RPGR: variants seen among roughly 807,000 people sequenced by gnomAD.
The protein encoded by RPGR is X-linked retinitis pigmentosa GTPase regulator.
RPGR carries 10 observed loss-of-function variants against 56.3 expected under a neutral mutation model. That is an observed-to-expected ratio of 0.18 (90% CI 0.11 to 0.30). The LOEUF (loss-of-function observed/expected upper bound fraction) is 0.30, where lower values mean the gene tolerates loss of function less well. RPGR is among the 10% of genes least tolerant of loss of function. The probability of loss-of-function intolerance (pLI) is 1.00; values close to 1 mark genes in which losing one functional copy is unlikely to be tolerated. For missense variants in RPGR, 538 were observed against 590.9 expected (o/e 0.91, Z 0.93); for synonymous variants, 197 against 212.9 (o/e 0.93, Z 0.65).
At chrX:38,286,138 TCTC>T in intron 15 of RPGR, 2 of 398,165 alleles carry the variant, frequency 5.0e-6, no homozygotes, top group Non-Finnish European at 6.7e-6. Context: ...CCCCTCCCAT[TCTC>T]CTTCCTCCTC....
At chrX:38,299,770 G>A (rs1038787164) in intron 9 of RPGR, among the ~76,000 whole-genome samples, 5 of 108,384 alleles carry the variant, frequency 4.6e-5, no homozygotes, top group African/African-American at 1.7e-4. Flanking sequence ...AGTATTTTCC[G>A]TACATAGGTT....
intron 18 of RPGR, chrX:38,269,878 A>T: frequency 2.2e-6 from 2 of 918,421 alleles, no homozygotes; most frequent in Non-Finnish European, 3.1e-6. Context: ...CATAAGTGAA[A>T]CATTCACTTA....
At chrX:38,298,868 T>A (rs1408140836) in intron 10 of RPGR, 88 bp downstream of exon 10, 1 of 1,012,481 alleles carries the variant, frequency 9.9e-7, no homozygotes, top group African/African-American at 1.9e-5. Context: ...AGAAGACCCT[T>A]TGATTTAAAA....
At chrX:38,301,189 C>T in intron 9 of RPGR, 58 bp downstream of exon 9, 1 of 1,004,812 alleles carries the variant, frequency 1.0e-6, no homozygotes, top group Non-Finnish European at 1.4e-6. Flanking sequence ...CTATGAAATA[C>T]TGAAAGACTC....
In RPGR at chrX:38,273,618, C is replaced by G. The variant is rs191705007; in HGVS notation, c.2150-141G>C. 1.2e-4 allele frequency: 51 copies of G among 422,901 alleles called. No homozygotes were observed. The African/African-American group carries it at 1.2e-3, about 10-fold the overall frequency. 34.9% of individuals were successfully genotyped at this position (422,901 alleles called of 1,213,427 possible). ...CCCCTGGAGTAGTGGACAACATCTA[C>G]ACTGCATATTTCCTGAAAAGTTGAG... On this transcript the variant is annotated intron_variant, in intron 17 of 18. Coordinates refer to ENST00000642395, the MANE Select transcript of RPGR (RefSeq NM_000328.3).
Position 38,314,303 on chromosome X carries a change from CATTT to C in RPGR, c.619+3009_619+3012del, listed in dbSNP as rs1328597614. On this transcript the variant is annotated intron_variant, in intron 6 of 18. Coordinates refer to ENST00000642395, the MANE Select transcript of RPGR (RefSeq NM_000328.3). ...TATTTATATATAAAAAATAAAATAA[CATTT>C]ATCACAAAGAATAAATAGGTCATTT... is the stretch of plus-strand genomic sequence containing the variant. Among the ~76,000 whole-genome samples the C allele has an allele frequency of 2.7e-5, 3 of 111,255 alleles. No individual in the cohort carries two copies. The Admixed American group carries it at 2.9e-4, about 11-fold the overall frequency.
chrX:38,313,637 AATTCTG>A (rs1435054146), intron 6 of RPGR, among the ~76,000 whole-genome samples: 1 of 111,933 alleles, frequency 8.9e-6, no homozygotes, highest in East Asian at 2.8e-4. Flanking sequence ...CTGGAGTTCG[AATTCTG>A]ATTCTGCAAC....
chrX:38,305,936 A>T (rs1815701558), intron 7 of RPGR, among the ~76,000 whole-genome samples: 1 of 111,254 alleles, frequency 9.0e-6, no homozygotes, highest in Non-Finnish European at 1.9e-5. Context: ...GGAGGGGAAA[A>T]GCTTTTCTTT....
rs1338288525 is a variant in RPGR, at chrX:38,269,552, T to A, written c.*74A>T. 1.4e-5 allele frequency: 11 copies of A among 778,509 alleles called. No homozygotes were observed. The highest frequency in any genetic ancestry group is 2.1e-5 in the Non-Finnish European group (11 of 522,891). The allele number at this position is 778,509 out of a possible 1,213,427, so 64.2% of individuals were successfully genotyped here. Reference sequence around the variant, plus strand: ...TTTTAAAGACTACTATCAGAAACTTTACTTCATAAGTTATAACATTTTTCA... The same window carrying A: ...TTTTAAAGACTACTATCAGAAACTTAACTTCATAAGTTATAACATTTTTCA... On this transcript the variant is annotated 3_prime_UTR_variant, in exon 19 of 19. Coordinates refer to ENST00000642395, the MANE Select transcript of RPGR (RefSeq NM_000328.3).
At chrX:38,272,984 C>G (rs1165508319) in intron 18 of RPGR, among the ~76,000 whole-genome samples, 1 of 111,814 alleles carries the variant, frequency 8.9e-6, no homozygotes, top group Admixed American at 9.5e-5. Flanking sequence ...ATTTTAAATA[C>G]TGGGTACCAT....
Position 38,318,756 on chromosome X carries a change from G to A in RPGR, c.469+73C>T, listed in dbSNP as rs755759673. ...AAAACTAAACAGCAATGCTCCCTTC[G>A]GTTTACTGAGTTGGCATATATTGAT... is the stretch of plus-strand genomic sequence containing the variant. On this transcript the variant is annotated intron_variant, in intron 5 of 18. Coordinates refer to ENST00000642395, the MANE Select transcript of RPGR (RefSeq NM_000328.3). The A allele has an allele frequency of 2.7e-4, 298 of 1,085,441 alleles. 1 individual carries two copies. The South Asian group carries it at 3.5e-3, about 13-fold the overall frequency. 89.5% of individuals were successfully genotyped at this position (1,085,441 alleles called of 1,213,427 possible). A position where few individuals can be genotyped will look rare whatever the true frequency, so the allele number is the denominator to read the frequency against.
At chrX:38,324,121 T>C (rs760005376) in intron 1 of RPGR, among the ~76,000 whole-genome samples, 74 of 111,857 alleles carry the variant, frequency 6.6e-4, no homozygotes, top group Non-Finnish European at 1.3e-3. Context: ...TCTCACTCTG[T>C]CACCCAGCTT....
chrX:38,325,496 T>C (rs963679664), intron 1 of RPGR, among the ~76,000 whole-genome samples: 12 of 112,194 alleles, frequency 1.1e-4, no homozygotes, highest in African/African-American at 3.9e-4. Flanking sequence ...CACTTTAGCT[T>C]TTCCTGATTT....
intron 13 of RPGR, 149 bp from the exon 14 acceptor site, chrX:38,288,190 T>G (rs1359785326): frequency 3.9e-6 from 2 of 517,199 alleles, no homozygotes; most frequent in Non-Finnish European, 6.3e-6. Flanking sequence ...TTGCTAAAGT[T>G]TTGTTTTCTT....
At chrX:38,296,443 C>T (rs902248248) in intron 11 of RPGR, among the ~76,000 whole-genome samples, 10 of 112,007 alleles carry the variant, frequency 8.9e-5, no homozygotes, top group Non-Finnish European at 1.5e-4. Flanking sequence ...CCTGCAGTAA[C>T]ATACAGACAC....
intron 18 of RPGR, chrX:38,269,932 T>G (rs2066806697): frequency 1.7e-6 from 1 of 601,377 alleles, no homozygotes; most frequent in Admixed American, 2.7e-5. Flanking sequence ...AGAACATGAT[T>G]TTGTCATCTC....
chrX:38,284,604 C>T (rs1201989373), intron 15 of RPGR: 1 of 740,848 alleles, frequency 1.3e-6, no homozygotes, highest in Non-Finnish European at 1.6e-6. Flanking sequence ...TTAAAGCTGT[C>T]ATAACTTTTC....
intron 11 of RPGR, among the ~76,000 whole-genome samples, chrX:38,291,779 T>C (rs2067283792): frequency 8.9e-6 from 1 of 112,051 alleles, no homozygotes; most frequent in Admixed American, 9.5e-5. Context: ...AGCACTGTAA[T>C]AGCTAGTCCT....
At chrX:38,276,578 T>G (rs759453276) in intron 16 of RPGR, 1 of 1,208,488 alleles carries the variant, frequency 8.3e-7, no homozygotes, top group Non-Finnish European at 1.1e-6. Context: ...TAAGCATCTA[T>G]CATCATACCT....
Sources: gnomAD v4.1 joint callset for allele counts (sites outside exome capture counted in the v4.1 genomes callset) on GRCh38, gnomAD v4.1.1 for gene constraint, MANE v1.5 for transcripts, NCBI Gene and HGNC (gene_info 2026-07-23, HGNC 2026-07-21) for gene names.